VPS8: variants seen among roughly 807,000 people sequenced by gnomAD.
The protein encoded by VPS8 is VPS8 subunit of CORVET complex, also known as vacuolar protein sorting-associated protein 8 homolog.
In VPS8, 129 loss-of-function variants were observed where a neutral mutation model predicts 216.4. The ratio of observed to expected loss-of-function variants is 0.60; its 90% CI spans 0.52 to 0.69. VPS8 has a LOEUF of 0.69. Ranked by LOEUF, VPS8 falls within the 30% of genes least tolerant of loss-of-function variation. The probability of loss-of-function intolerance (pLI) is 0.00; values close to 1 mark genes in which losing one functional copy is unlikely to be tolerated. For missense variants in VPS8, 1,531 were observed against 1,683.5 expected (o/e 0.91, Z 1.59); for synonymous variants, 571 against 565.4 (o/e 1.01, Z -0.14).
chr3:184,904,859 A>G (rs1735202590), intron 25 of VPS8, among the ~76,000 whole-genome samples: 1 of 152,206 alleles, frequency 6.6e-6, no homozygotes, highest in South Asian at 2.1e-4. Flanking sequence ...TTTTAAAATT[A>G]TTAGTTGTTT....
chr3:184,908,242 A>G (rs1735841936), intron 25 of VPS8, among the ~76,000 whole-genome samples: 1 of 152,196 alleles, frequency 6.6e-6, no homozygotes, highest in Non-Finnish European at 1.5e-5. Context: ...AATAGTGACA[A>G]TTCGCTGAGG....
At chr3:184,934,861 C>A (rs950107647) in intron 34 of VPS8, among the ~76,000 whole-genome samples, 2 of 152,160 alleles carry the variant, frequency 1.3e-5, no homozygotes, top group Admixed American at 6.5e-5. Flanking sequence ...TAGCCTCTTA[C>A]AATGAGCTGA....
At chr3:185,017,329 C>T (rs1755950639) in intron 45 of VPS8, among the ~76,000 whole-genome samples, 1 of 152,128 alleles carries the variant, frequency 6.6e-6, no homozygotes, top group Non-Finnish European at 1.5e-5. Flanking sequence ...CCTGTATCTA[C>T]CAAACCCTTA....
chr3:184,970,547 CT>C (rs1055314090), intron 39 of VPS8, among the ~76,000 whole-genome samples: 3 of 152,074 alleles, frequency 2.0e-5, no homozygotes, highest in Admixed American at 2.0e-4. Context: ...GGAGAAGAAC[CT>C]TTTAGGCTGA....
chr3:185,032,525 C>T (rs1758313833), intron 46 of VPS8, among the ~76,000 whole-genome samples: 1 of 152,096 alleles, frequency 6.6e-6, no homozygotes, highest in Non-Finnish European at 1.5e-5. Flanking sequence ...AGAAGCAACC[C>T]TTAAAGGAGA....
At chr3:184,831,904 T>C (rs565025424) in intron 3 of VPS8, among the ~76,000 whole-genome samples, 2 of 152,232 alleles carry the variant, frequency 1.3e-5, no homozygotes, top group Non-Finnish European at 2.9e-5. Context: ...ACCTATCTTT[T>C]TAAAACATGG....
chr3:184,853,552 AC>A (rs1724698245), intron 11 of VPS8, among the ~76,000 whole-genome samples: 1 of 152,204 alleles, frequency 6.6e-6, no homozygotes, highest in Admixed American at 6.5e-5. Context: ...CTGGAGTGTG[AC>A]TTTGTCAGGA....
intron 32 of VPS8, 150 bp downstream of exon 32, chr3:184,928,683 C>T: frequency 3.3e-6 from 2 of 603,334 alleles, no homozygotes; most frequent in Non-Finnish European, 4.8e-6. Flanking sequence ...AAATTTTTCC[C>T]TTTTAATTGA....
chr3:184,817,118 C>G (rs1158317969), intron 1 of VPS8: 1 of 152,114 alleles, frequency 6.6e-6, no homozygotes, highest in African/African-American at 2.4e-5. Flanking sequence ...AATATCTCTC[C>G]TAGATGCAAA....
At chr3:184,906,482 T>G (rs1406839462) in intron 25 of VPS8, among the ~76,000 whole-genome samples, 3 of 151,268 alleles carry the variant, frequency 2.0e-5, no homozygotes, top group Non-Finnish European at 4.4e-5. Context: ...TGTAAGTCTG[T>G]CGAAATGAAT....
chr3:185,049,858 C>T (rs887910952), intron 47 of VPS8, among the ~76,000 whole-genome samples: 2 of 152,038 alleles, frequency 1.3e-5, no homozygotes, highest in Non-Finnish European at 2.9e-5. Flanking sequence ...GGTGCTCCTT[C>T]TTTGAGAGTT....
chr3:185,032,163 T>G (rs1194429904), intron 46 of VPS8, among the ~76,000 whole-genome samples: 1 of 148,104 alleles, frequency 6.8e-6, no homozygotes, highest in Non-Finnish European at 1.5e-5. Context: ...GATTTTGTCT[T>G]AAAAAAAAAA....
intron 38 of VPS8, 127 bp downstream of exon 38, chr3:184,964,684 C>A: frequency 2.2e-6 from 1 of 460,652 alleles, no homozygotes; most frequent in Non-Finnish European, 3.7e-6. Flanking sequence ...ATATTTTTAT[C>A]ATGCATAGCA....
intron 36 of VPS8, 32 bp downstream of exon 36, chr3:184,940,275 T>TATATAA: frequency 1.2e-6 from 1 of 803,684 alleles, no homozygotes; most frequent in Non-Finnish European, 1.7e-6. Context: ...TTTCATTATA[T>TATATAA]ATATATATAT....
chr3:184,880,486 A>G (rs532442231), intron 21 of VPS8, among the ~76,000 whole-genome samples: 9 of 152,224 alleles, frequency 5.9e-5, no homozygotes, highest in African/African-American at 1.4e-4. Flanking sequence ...GTTGTTGCAC[A>G]TATCAGTAGT....
chr3:184,985,922 A>G (rs971093348), intron 42 of VPS8, among the ~76,000 whole-genome samples: 15 of 152,210 alleles, frequency 9.9e-5, no homozygotes, highest in African/African-American at 3.1e-4. Context: ...AGACATAGAG[A>G]CGAGGAGAGG....
rs10700220 is a variant in VPS8 at position 184,950,216 on chromosome 3, C to CTTTTTTTTTTTTTTTTTTTTT, written c.3036-7150_3036-7130dup. ...AGCAACCACGCCCAGCAGTTTTCTG[C>CTTTTTTTTTTTTTTTTTTTTT]TTTTTTTTTTTTTTTTTTTTTTTTT... On this transcript the variant is annotated intron_variant, in intron 36 of 47. Transcript: ENST00000625842. Among the ~76,000 whole-genome samples, 7 of 39,930 alleles carry CTTTTTTTTTTTTTTTTTTTTT rather than the reference C, an allele frequency of 1.8e-4. 1 individual carries two copies. The highest frequency in any genetic ancestry group is 1.1e-3 in the East Asian group (1 of 930). The allele number at this position is 39,930 out of a possible 152,430, so 26.2% of individuals were successfully genotyped here.
intron 21 of VPS8, among the ~76,000 whole-genome samples, chr3:184,884,232 C>T (rs1224290213): frequency 6.6e-6 from 1 of 152,100 alleles, no homozygotes; most frequent in African/African-American, 2.4e-5. Flanking sequence ...AGCCCCCGAC[C>T]CGCCGACAGA....
intron 29 of VPS8, among the ~76,000 whole-genome samples, chr3:184,920,576 C>T (rs1376125965): frequency 2.0e-5 from 3 of 152,114 alleles, no homozygotes; most frequent in East Asian, 1.9e-4. Context: ...AAGGCAGTGC[C>T]GTATTCTATC....
Sources: allele counts gnomAD v4.1 joint callset (sites outside exome capture counted in the v4.1 genomes callset), GRCh38; gene constraint gnomAD v4.1.1; transcripts MANE v1.5; gene names NCBI Gene and HGNC (gene_info 2026-07-23, HGNC 2026-07-21).